Variants in RAP1GAP observed in about 807,000 individuals in gnomAD.
RAP1GAP encodes RAP1 GTPase activating protein.
A neutral mutation model predicts 87.2 loss-of-function variants in RAP1GAP; 35 were observed. The ratio of observed to expected loss-of-function variants is 0.40; its 90% CI spans 0.31 to 0.53. The LOEUF (loss-of-function observed/expected upper bound fraction) is 0.53. Among genes scored for constraint, RAP1GAP ranks in the 20% least tolerant of loss-of-function variants. The pLI, the probability that RAP1GAP is intolerant of heterozygous loss-of-function variation, is 0.48. For missense variants in RAP1GAP, 734 were observed against 898.9 expected (o/e 0.82, Z 2.35); for synonymous variants, 375 against 363.9 (o/e 1.03, Z -0.35).
intron 19 of RAP1GAP, 103 bp downstream of exon 19, chr1:21,602,701 G>A: frequency 9.9e-7 from 1 of 1,010,874 alleles, no homozygotes; most frequent in South Asian, 1.6e-5. Flanking sequence ...GGGATGGAGA[G>A]GCAGAGGGGC....
chr1:21,614,530 T>C (rs947333), intron 7 of RAP1GAP, among the ~76,000 whole-genome samples: 132,765 of 152,204 alleles, frequency 0.87, 58,018 homozygotes, highest in East Asian at 0.97. Context: ...CAAAAGCTGA[T>C]TGCCCAACCT....
chr1:21,644,757 C>G (rs1030663703), intron 2 of RAP1GAP, among the ~76,000 whole-genome samples: 2 of 151,940 alleles, frequency 1.3e-5, no homozygotes, highest in Non-Finnish European at 2.9e-5. Flanking sequence ...AAAAAATTAG[C>G]CGGGTGTGGT....
chr1:21,665,293 G>A (rs1410601205), intron 1 of RAP1GAP: 1 of 515,370 alleles, frequency 1.9e-6, no homozygotes, highest in Non-Finnish European at 3.9e-6. Flanking sequence ...GAGGGAGGGT[G>A]GCCTCGGTTG....
In RAP1GAP at chr1:21,619,948, A is replaced by G. The variant is rs2085645649; in HGVS notation, c.18+67T>C. 8.5e-6 allele frequency: 13 copies of G among 1,536,202 alleles called. No homozygotes were observed. In the South Asian group the frequency reaches 1.5e-4, roughly 17 times the overall value. On this transcript the variant is annotated intron_variant, in intron 4 of 24. Transcript: ENST00000374765. ...GAGGTGAAGGGCTGGAGATGCAGCAAGGGCCCCCCAGCCCCAGCCCAGCCA... is the reference window on the plus strand; with the variant it reads ...GAGGTGAAGGGCTGGAGATGCAGCAGGGGCCCCCCAGCCCCAGCCCAGCCA...
rs934153239 is a variant in RAP1GAP, at chr1:21,609,949, G to T, written c.999+171C>A. Among the ~76,000 whole-genome samples, 1 of 152,152 alleles carries T rather than the reference G, an allele frequency of 6.6e-6. No individual in the cohort carries two copies. The highest frequency in any genetic ancestry group is 2.1e-4 in the South Asian group (1 of 4,836). On this transcript the variant is annotated intron_variant, in intron 14 of 24. Coordinates refer to ENST00000374765, the MANE Select transcript of RAP1GAP (RefSeq NM_002885.4). This position sits in a 1 kb window ranked among gnomAD's most constrained non-coding sequence, Gnocchi z 4.4. Reference sequence around the variant, plus strand: ...GGAGGGAAACTGTCCTCTCTGAGGGGGTGAGCTTTGGGGACGACAGGGGGC... The same window carrying T: ...GGAGGGAAACTGTCCTCTCTGAGGGTGTGAGCTTTGGGGACGACAGGGGGC...
chr1:21,655,239 G>T (rs2096815328), intron 1 of RAP1GAP, among the ~76,000 whole-genome samples: 1 of 152,106 alleles, frequency 6.6e-6, no homozygotes. Context: ...GGCTAGCAAA[G>T]ATTTATTAGT....
At chr1:21,601,934 A>G (rs1453510589) in intron 19 of RAP1GAP, 137 bp from the exon 20 acceptor site, 3 of 581,660 alleles carry the variant, frequency 5.2e-6, no homozygotes, top group East Asian at 5.7e-5. Flanking sequence ...CCAGCCCTGG[A>G]GCAGTCTTGT....
Position 21,619,038 on chromosome 1 carries a change from G to A in RAP1GAP, c.53C>T (p.Pro18Leu), listed in dbSNP as rs745904225. The change falls in exon 5 of 25, where the codon CCG becomes CTG. Residue 18 changes from proline (P) to leucine (L), a missense_variant. Physicochemically the swap from Pro to Leu is moderately conservative, Grantham distance 98. This residue lies in a region of RAP1GAP where 485 missense variants were observed against 646.2 expected (regional missense o/e 0.75). Transcript: ENST00000374765. ...SRMDEQRCSFPPPLKTEEDYI... is the reference protein window; with the variant it reads ...SRMDEQRCSFLPPLKTEEDYI... ...AGGCCCACCTACTTTGAGGGGCGGC[G>A]GGAAGGAGCAGCGTTGTTCATCCAT... 1.1e-5 allele frequency: 18 copies of A among 1,601,782 alleles called. No individual in the cohort carries two copies. The highest frequency in any genetic ancestry group is 6.8e-5 in the South Asian group (6 of 88,746).
rs1012895837 is a variant in RAP1GAP at position 21,613,078 on chromosome 1, C to G, written c.528+98G>C. The stretch of plus-strand genomic sequence containing the variant: ...TATTGTGAGGATTAAATGAGAGAAC[C>G]TTGGGAAAGTATCTGGCACACAGAA... On this transcript the variant is annotated intron_variant, in intron 10 of 24. Coordinates refer to ENST00000374765, the MANE Select transcript of RAP1GAP (RefSeq NM_002885.4). The surrounding 1 kb of genome is among the most constrained non-coding windows in gnomAD (Gnocchi z 4.7). 6 of 1,307,832 alleles carry G rather than the reference C, an allele frequency of 4.6e-6. No homozygotes were observed. The Admixed American group carries it at 1.1e-4, about 23-fold the overall frequency. The allele number at this position is 1,307,832 out of a possible 1,614,324, so 81.0% of individuals were successfully genotyped here. A position where few individuals can be genotyped will look rare whatever the true frequency, so the allele number is the denominator to read the frequency against.
intron 2 of RAP1GAP, among the ~76,000 whole-genome samples, chr1:21,626,672 A>G (rs2092228221): frequency 6.6e-6 from 1 of 152,180 alleles, no homozygotes; most frequent in Non-Finnish European, 1.5e-5. Context: ...GAAGATGAGT[A>G]GACTGAGGCA....
Position 21,613,845 on chromosome 1 carries a change from G to T in RAP1GAP, c.396-139C>A, listed in dbSNP as rs1244923177. On this transcript the variant is annotated intron_variant, in intron 8 of 24. Coordinates refer to ENST00000374765, the MANE Select transcript of RAP1GAP (RefSeq NM_002885.4). The surrounding 1 kb of genome is among the most constrained non-coding windows in gnomAD (Gnocchi z 4.7). The stretch of plus-strand genomic sequence containing the variant: ...GATGATGGGTGTCAGGCTGACTCGG[G>T]TACTAACTTGCTGTGCAACCTCAAG... 1.8e-6 allele frequency: 2 copies of T among 1,125,982 alleles called. No individual in the cohort carries two copies. Among genetic ancestry groups the T allele is most frequent in the Admixed American group, 2.0e-5 (1 of 50,604 alleles). The allele number at this position is 1,125,982 out of a possible 1,614,324, so 69.7% of individuals were successfully genotyped here.
intron 1 of RAP1GAP, among the ~76,000 whole-genome samples, chr1:21,653,490 G>A (rs1320115921): frequency 6.6e-6 from 1 of 152,082 alleles, no homozygotes; most frequent in African/African-American, 2.4e-5. Flanking sequence ...CACCAGGGCA[G>A]GCTCCTGAGG....
intron 2 of RAP1GAP, among the ~76,000 whole-genome samples, chr1:21,644,874 C>G (rs1468013956): frequency 7.1e-6 from 1 of 140,700 alleles, no homozygotes; most frequent in East Asian, 2.1e-4. Context: ...GCACCCCAGC[C>G]TGGGTAACAG....
intron 2 of RAP1GAP, among the ~76,000 whole-genome samples, chr1:21,636,945 GAA>G (rs2094821158): frequency 1.1e-5 from 1 of 93,602 alleles, no homozygotes; most frequent in African/African-American, 4.2e-5. Flanking sequence ...AGGGAGGGAG[GAA>G]GGGAGGGAGG....
In RAP1GAP at chr1:21,617,387, C is replaced by T. The variant is rs1275068529; in HGVS notation, c.210G>A (p.Glu70=). The part of the protein sequence containing the change: ...NHEITSIPET[E]PLQSPTTKVK... ...CCTTGGTTGTGGGCGACTGCAGTGG[C>T]TCTGTCTCGGGGATGCTGGTGATTT... Residue 70 remains glutamate (E), a synonymous_variant, in exon 7 of 25, where the codon GAG becomes GAA. Transcript: ENST00000374765. 6.2e-7 allele frequency: 1 copy of T among 1,602,970 alleles called. No individual in the cohort carries two copies. The highest frequency in any genetic ancestry group is 1.7e-5 in the Admixed American group (1 of 58,106).
intron 1 of RAP1GAP, chr1:21,653,210 T>C (rs1222360074): frequency 6.6e-6 from 1 of 152,120 alleles, no homozygotes; most frequent in Non-Finnish European, 1.5e-5. Context: ...CACCAATTAC[T>C]TCTCTCTTGG....
chr1:21,611,986 G>A, intron 11 of RAP1GAP, 40 bp downstream of exon 11: 1 of 1,497,878 alleles, frequency 6.7e-7, no homozygotes, highest in South Asian at 1.2e-5. Flanking sequence ...CCAGATATGG[G>A]GCCAGGTGGG....
At chr1:21,665,136 C>T (rs2097297492) in intron 1 of RAP1GAP, 4 of 392,734 alleles carry the variant, frequency 1.0e-5, no homozygotes, top group Admixed American at 5.3e-5. Flanking sequence ...TCCCTTGAAA[C>T]ATACTCATCA....
chr1:21,623,354 G>C (rs2090048750), intron 3 of RAP1GAP, among the ~76,000 whole-genome samples: 1 of 152,250 alleles, frequency 6.6e-6, no homozygotes, highest in Admixed American at 6.5e-5. Flanking sequence ...TGGCTCTGCA[G>C]TGTGTCCCTG....
Sources: allele counts gnomAD v4.1 joint callset (sites outside exome capture counted in the v4.1 genomes callset), GRCh38; gene constraint gnomAD v4.1.1; regional missense constraint gnomAD v4.1.1; non-coding constraint Gnocchi (gnomAD v3.1); transcripts MANE v1.5; gene names NCBI Gene and HGNC (gene_info 2026-07-23, HGNC 2026-07-21).